Variants in HIVEP3 observed in about 807,000 individuals in gnomAD.
HIVEP3 encodes transcription factor HIVEP3.
HIVEP3 carries 49 observed loss-of-function variants against 152.8 expected under a neutral mutation model. The observed-to-expected ratio is 0.32, with a 90% confidence interval of 0.26 to 0.41. HIVEP3 has a LOEUF of 0.41. Among genes scored for constraint, HIVEP3 ranks in the 10% least tolerant of loss-of-function variants. The probability of loss-of-function intolerance (pLI) is 1.00; values close to 1 mark genes in which losing one functional copy is unlikely to be tolerated. For synonymous variants in HIVEP3, 1,269 were observed against 1,289.0 expected (o/e 0.98, Z 0.33); for missense variants, 2,790 against 3,103.3 (o/e 0.90, Z 2.40).
chr1:41,816,679 CAAACAAAACA>C (rs561438485), intron 1 of HIVEP3, among the ~76,000 whole-genome samples: 2 of 152,132 alleles, frequency 1.3e-5, no homozygotes, highest in East Asian at 1.9e-4. Flanking sequence ...ACTTCAGCCT[CAAACAAAACA>C]AAACAAAACA....
At chr1:41,615,460 C>A (rs542134141) in intron 3 of HIVEP3, among the ~76,000 whole-genome samples, 24 of 152,328 alleles carry the variant, frequency 1.6e-4, no homozygotes, top group Non-Finnish European at 2.9e-4. Context: ...GGTCTAAAGT[C>A]CACGTTTGAC....
intron 1 of HIVEP3, among the ~76,000 whole-genome samples, chr1:41,970,322 T>C (rs1645221862): frequency 6.6e-6 from 1 of 151,966 alleles, no homozygotes; most frequent in Admixed American, 6.6e-5. Context: ...ATAAAGAAAA[T>C]GTGGTGCATA....
intron 1 of HIVEP3, among the ~76,000 whole-genome samples, chr1:41,967,726 CA>C (rs967244555): frequency 5.3e-5 from 8 of 151,194 alleles, no homozygotes; most frequent in Non-Finnish European, 1.0e-4. Flanking sequence ...TAGAGACACA[CA>C]AAAAAAACCC....
At chr1:41,539,928 C>T (rs986343487) in intron 5 of HIVEP3, among the ~76,000 whole-genome samples, 2 of 152,194 alleles carry the variant, frequency 1.3e-5, no homozygotes, top group South Asian at 2.1e-4. Flanking sequence ...AACCTTGGTA[C>T]AATTCTATGA....
chr1:41,600,911 G>A (rs952388755), intron 3 of HIVEP3, among the ~76,000 whole-genome samples: 8 of 152,104 alleles, frequency 5.3e-5, no homozygotes, highest in Admixed American at 2.6e-4. Flanking sequence ...CTTTATGTAC[G>A]GTGATTTTTA....
intron 5 of HIVEP3, among the ~76,000 whole-genome samples, chr1:41,530,781 C>T (rs1453321814): frequency 2.6e-5 from 4 of 152,238 alleles, no homozygotes; most frequent in East Asian, 3.8e-4. Flanking sequence ...CCCAGCTGCT[C>T]TCCGACCCCT....
intron 1 of HIVEP3, among the ~76,000 whole-genome samples, chr1:41,870,534 C>T (rs576831619): frequency 1.3e-5 from 2 of 152,138 alleles, no homozygotes; most frequent in Non-Finnish European, 2.9e-5. Flanking sequence ...GCCGGGTGAA[C>T]GTACAAATGA....
At chr1:41,811,306 G>C (rs1234528764) in intron 1 of HIVEP3, among the ~76,000 whole-genome samples, 1 of 151,232 alleles carries the variant, frequency 6.6e-6, no homozygotes, top group Non-Finnish European at 1.5e-5. Context: ...ACAGTGGTCT[G>C]TGCTAGTCTC....
chr1:41,777,520 CACGGTATTTA>C (rs1398497122), intron 1 of HIVEP3, among the ~76,000 whole-genome samples: 1 of 152,228 alleles, frequency 6.6e-6, no homozygotes, highest in Non-Finnish European at 1.5e-5. Context: ...GTCCCTGGTC[CACGGTATTTA>C]ACTATTATAT....
chr1:41,969,746 G>A (rs1007685282), intron 1 of HIVEP3, among the ~76,000 whole-genome samples: 1 of 152,252 alleles, frequency 6.6e-6, no homozygotes. Context: ...CACAGCAAAA[G>A]AAATTTTCAT....
chr1:41,794,108 T>A (rs1362806040), intron 1 of HIVEP3, among the ~76,000 whole-genome samples: 4 of 152,142 alleles, frequency 2.6e-5, no homozygotes, highest in Non-Finnish European at 5.9e-5. Flanking sequence ...GGGTAATTTA[T>A]AAAGGAAAGA....
rs1011932722 is a variant in HIVEP3, at chr1:41,530,631, T to C, written c.5208-5721A>G. Reference sequence around the variant, plus strand: ...CACTTGCTCCCCTCCCGCCACCACCTGCAATGGTGTCCTTCAGCCTAATGG... The same window carrying C: ...CACTTGCTCCCCTCCCGCCACCACCCGCAATGGTGTCCTTCAGCCTAATGG... On this transcript the variant is annotated intron_variant, in intron 5 of 8. Coordinates refer to ENST00000372583, the MANE Select transcript of HIVEP3 (RefSeq NM_024503.5). 2.6e-5 allele frequency among the ~76,000 whole-genome samples: 4 copies of C among 152,280 alleles called. No individual in the cohort carries two copies. The East Asian group carries it at 7.7e-4, about 29-fold the overall frequency.
At chr1:41,598,976 C>T (rs1377808644) in intron 3 of HIVEP3, among the ~76,000 whole-genome samples, 2 of 152,040 alleles carry the variant, frequency 1.3e-5, no homozygotes, top group African/African-American at 2.4e-5. Flanking sequence ...CCACCATGCT[C>T]GGCTAATTTT....
chr1:41,682,982 C>T (rs890249712), intron 2 of HIVEP3, among the ~76,000 whole-genome samples: 2 of 152,210 alleles, frequency 1.3e-5, no homozygotes, highest in African/African-American at 4.8e-5. Context: ...GAAGGAATGA[C>T]ATCTAAACTG....
chr1:42,009,738 T>G lies in HIVEP3; in HGVS notation n.119+26069A>C, dbSNP rs1294815922. Among the ~76,000 whole-genome samples the G allele has an allele frequency of 9.2e-5, 14 of 152,202 alleles. No individual in the cohort carries two copies. In the East Asian group the frequency reaches 2.7e-3, roughly 29 times the overall value. On this transcript the variant is annotated intron_variant and non_coding_transcript_variant, in intron 1 of 3. Transcript: ENST00000489103. ...GTTCCTTTTGATTGAAGAATTTGAT[T>G]CTTCCTTTAGCTCAGAGAAAAATTA...
rs555718863 is a variant in HIVEP3, at chr1:41,888,007, C to T, written c.-801+30406G>A. Among the ~76,000 whole-genome samples, 13 of 151,882 alleles carry T rather than the reference C, an allele frequency of 8.6e-5. No individual in the cohort carries two copies. The East Asian group carries it at 2.5e-3, about 29-fold the overall frequency. On this transcript the variant is annotated intron_variant, in intron 1 of 8. Coordinates refer to ENST00000372583, the MANE Select transcript of HIVEP3 (RefSeq NM_024503.5). The stretch of plus-strand genomic sequence containing the variant: ...ATAGAATGCTCCCATCACACCCCCA[C>T]CCCAGGCTCTACTGTTAAGCCCAGC...
intron 1 of HIVEP3, among the ~76,000 whole-genome samples, chr1:41,808,983 A>G (rs772658435): frequency 6.6e-6 from 1 of 152,222 alleles, no homozygotes; most frequent in Non-Finnish European, 1.5e-5. Context: ...AGTAAACTGA[A>G]GATCAGAAAA....
chr1:41,596,283 A>ACTG (rs1302869674), intron 3 of HIVEP3, among the ~76,000 whole-genome samples: 1 of 152,230 alleles, frequency 6.6e-6, no homozygotes, highest in Non-Finnish European at 1.5e-5. Flanking sequence ...GCAAGGGCGC[A>ACTG]CTGCTGCTGC....
chr1:41,581,476 T>C lies in HIVEP3; in HGVS notation c.3322A>G (p.Arg1108Gly). The C allele has an allele frequency of 6.4e-7, 1 of 1,568,988 alleles. No homozygotes were observed. The highest frequency in any genetic ancestry group is 8.6e-7 in the Non-Finnish European group (1 of 1,159,364). Reference sequence around the variant, plus strand: ...GGCACAGTGGGCCCCAATGGGGGCCTGTCCTGCCCTGGGCCCTTGCCTCCC... The same window carrying C: ...GGCACAGTGGGCCCCAATGGGGGCCCGTCCTGCCCTGGGCCCTTGCCTCCC... ...PPGGKGPGQD[R>G]PPLGPTVPYT... The change falls in exon 4 of 9, where the codon AGG (arginine) becomes GGG (glycine). Residue 1108 changes from arginine to glycine, a missense_variant. By Grantham distance (125) the Arg-to-Gly change is moderately radical. Around this residue, in one of 9 missense-constraint regions of HIVEP3, gnomAD observed 1,078 missense variants for 1,165.3 expected, o/e 0.93. Coordinates refer to ENST00000372583, the MANE Select transcript of HIVEP3 (RefSeq NM_024503.5). The surrounding 1 kb of genome is among the most constrained non-coding windows in gnomAD (Gnocchi z 4.5).
Sources: allele counts gnomAD v4.1 joint callset (sites outside exome capture counted in the v4.1 genomes callset), GRCh38; gene constraint gnomAD v4.1.1; regional missense constraint gnomAD v4.1.1; non-coding constraint Gnocchi (gnomAD v3.1); transcripts MANE v1.5; gene names NCBI Gene and HGNC (gene_info 2026-07-23, HGNC 2026-07-21).